The following GPR157 variants were observed in gnomAD, a reference collection of about 807,000 sequenced individuals.
GPR157 encodes the protein G protein-coupled receptor 157, also known as G-protein coupled receptor 157.
GPR157 carries 16 observed loss-of-function variants against 23.5 expected under a neutral mutation model. The ratio of observed to expected loss-of-function variants is 0.68; its 90% CI spans 0.46 to 1.04. The LOEUF (loss-of-function observed/expected upper bound fraction) is 1.04, where lower values mean the gene tolerates loss of function less well. Among genes scored for constraint, GPR157 ranks in the 50% least tolerant of loss-of-function variants. GPR157 has a pLI of 0.00. For synonymous variants in GPR157, 200 were observed against 221.5 expected, an observed-to-expected ratio of 0.90 and a Z score of 0.86; for missense variants, 440 against 460.7, an observed-to-expected ratio of 0.96 and a Z score of 0.41.
chr1:9,109,279 C>T (rs1638422901), intron 2 of GPR157, among the ~76,000 whole-genome samples: 1 of 151,434 alleles, frequency 6.6e-6, no homozygotes. Flanking sequence ...AACGGGGTTT[C>T]ACCATGTTGG....
chr1:9,123,460 T>C (rs1638874151), intron 1 of GPR157, among the ~76,000 whole-genome samples: 1 of 120,610 alleles, frequency 8.3e-6, no homozygotes, highest in African/African-American at 3.4e-5. Flanking sequence ...TTAAAATATA[T>C]ATTTAATTTA....
In GPR157 at chr1:9,125,068, G is replaced by A. The variant is rs1425906208; in HGVS notation, c.383+3577C>T. 2.0e-5 allele frequency among the ~76,000 whole-genome samples: 3 copies of A among 151,994 alleles called. No homozygotes were observed. In the East Asian group the frequency reaches 5.8e-4, roughly 29 times the overall value. On this transcript the variant is annotated intron_variant, in intron 1 of 3. Transcript: ENST00000377411. ...TGTGTCTATTATTTCTTGACCTGCC[G>A]ATCTGCCTGGGAACAAAGAGAGAGC...
intron 1 of GPR157, 47 bp from the exon 2 acceptor site, chr1:9,111,536 C>A (rs1233362212): frequency 6.6e-7 from 1 of 1,514,978 alleles, no homozygotes; most frequent in East Asian, 2.3e-5. Context: ...GCCATGGCTC[C>A]CGGCAATGTC....
At position 9,102,058 on chromosome 1, in the gene GPR157, G is replaced by A. The variant is rs1250079758; in HGVS notation, c.*2361C>T. 1 of 152,144 alleles carries A rather than the reference G, an allele frequency of 6.6e-6. No individual in the cohort carries two copies. The highest frequency in any genetic ancestry group is 1.5e-5 in the Non-Finnish European group (1 of 68,044). The allele number at this position is 152,144 out of a possible 1,614,324, so 9.4% of individuals were successfully genotyped here. A position where few individuals can be genotyped will look rare whatever the true frequency, so the allele number is the denominator to read the frequency against. The stretch of plus-strand genomic sequence containing the variant: ...CTGCCAAGTGGCTTTCCCTGGAGCA[G>A]CCCAGAGCTCTCTTTCAATCCTAAG... On this transcript the variant is annotated 3_prime_UTR_variant, in exon 4 of 4. Coordinates refer to ENST00000377411, the MANE Select transcript of GPR157 (RefSeq NM_024980.5).
intron 1 of GPR157, among the ~76,000 whole-genome samples, chr1:9,123,240 AT>A (rs1393527108): frequency 6.0e-5 from 3 of 49,802 alleles, no homozygotes; most frequent in African/African-American, 1.3e-4. Context: ...TTAAATATAT[AT>A]TAATTTAAAT....
chr1:9,114,623 C>T (rs551029187), intron 1 of GPR157, among the ~76,000 whole-genome samples: 53 of 152,134 alleles, frequency 3.5e-4, no homozygotes, highest in Admixed American at 7.2e-4. Flanking sequence ...GGGGACCACA[C>T]GGAACCGCAC....
intron 1 of GPR157, among the ~76,000 whole-genome samples, chr1:9,124,683 C>A (rs979089643): frequency 1.3e-5 from 2 of 152,186 alleles, no homozygotes; most frequent in African/African-American, 2.4e-5. Flanking sequence ...AGCTTCACCT[C>A]CCGTTGCTAT....
chr1:9,106,867 G>C (rs978852193), intron 2 of GPR157, among the ~76,000 whole-genome samples: 1 of 152,192 alleles, frequency 6.6e-6, no homozygotes, highest in Non-Finnish European at 1.5e-5. Flanking sequence ...GGGAGGCTGA[G>C]GCAGGAGAAT....
chr1:9,110,366 A>C (rs555352493), intron 2 of GPR157, among the ~76,000 whole-genome samples: 1 of 152,192 alleles, frequency 6.6e-6, no homozygotes, highest in African/African-American at 2.4e-5. Context: ...CTACTAAAAG[A>C]ACAAAAATTA....
At chr1:9,116,163 T>TATAA (rs1638631721) in intron 1 of GPR157, among the ~76,000 whole-genome samples, 1 of 44,970 alleles carries the variant, frequency 2.2e-5, no homozygotes, top group African/African-American at 9.9e-5. Context: ...TATATATATA[T>TATAA]AATATAATTA....
rs1036432338 is a variant in GPR157, at chr1:9,104,044, G to A, written c.*375C>T. The A allele has an allele frequency of 5.2e-6, 1 of 190,732 alleles. No individual in the cohort carries two copies. The highest frequency in any genetic ancestry group is 2.3e-5 in the African/African-American group (1 of 43,346). The allele number at this position is 190,732 out of a possible 1,614,324, so 11.8% of individuals were successfully genotyped here. On this transcript the variant is annotated 3_prime_UTR_variant, in exon 4 of 4. Transcript: ENST00000377411. ...CCCTGACAGCTTATTTAATCACACA[G>A]AGGATAGGTGCACAGATGTGGGTCC...
intron 2 of GPR157, among the ~76,000 whole-genome samples, chr1:9,108,609 C>G (rs973095744): frequency 6.6e-6 from 1 of 152,136 alleles, no homozygotes; most frequent in Non-Finnish European, 1.5e-5. Context: ...GGCAGGAGAC[C>G]AACTACTAAT....
Position 9,101,015 on chromosome 1 carries a change from T to A in GPR157, c.*3404A>T, listed in dbSNP as rs1330855311. ...ACAGCAAAACCCTGCCTCACAAAAATAAATAAACTAAAAAGAAGTAACAGC... is the reference window on the plus strand; with the variant it reads ...ACAGCAAAACCCTGCCTCACAAAAAAAAATAAACTAAAAAGAAGTAACAGC... On this transcript the variant is annotated 3_prime_UTR_variant, in exon 4 of 4. Coordinates refer to ENST00000377411, the MANE Select transcript of GPR157 (RefSeq NM_024980.5). 1 of 151,982 alleles carries A rather than the reference T, an allele frequency of 6.6e-6. No homozygotes were observed. Among genetic ancestry groups the A allele is most frequent in the Non-Finnish European group, 1.5e-5 (1 of 68,058 alleles). The allele number at this position is 151,982 out of a possible 1,614,324, so 9.4% of individuals were successfully genotyped here.
Position 9,105,610 on chromosome 1 carries a change from G to T in GPR157, c.668C>A (p.Ala223Glu), listed in dbSNP as rs12075362. Residue 223 changes from alanine (A) to glutamate (E), a missense_variant, in exon 3 of 4, where the codon GCG becomes GAG. Coordinates refer to ENST00000377411, the MANE Select transcript of GPR157 (RefSeq NM_024980.5). The surrounding 1 kb of genome is among the most constrained non-coding windows in gnomAD (Gnocchi z 4.8). ...EHRLLRHSSM[A>E]DKKLVLIPLI... is the part of the protein sequence containing the mutation. ...CGGGATGAGCACCAGCTTCTTGTCCGCCATGGAGGAGTGGCGCAGCAGGCG... is the reference window on the plus strand; with the variant it reads ...CGGGATGAGCACCAGCTTCTTGTCCTCCATGGAGGAGTGGCGCAGCAGGCG... 1 of 1,612,508 alleles carries T rather than the reference G, an allele frequency of 6.2e-7. No homozygotes were observed. Among genetic ancestry groups the T allele is most frequent in the South Asian group, 1.1e-5 (1 of 90,466 alleles).
Position 9,120,245 on chromosome 1 carries a change from C to T in GPR157, c.383+8400G>A, listed in dbSNP as rs767798183. On this transcript the variant is annotated intron_variant, in intron 1 of 3. Transcript: ENST00000377411. The surrounding 1 kb of genome is among the most constrained non-coding windows in gnomAD (Gnocchi z 4.1). Reference sequence around the variant, plus strand: ...CAGAGTCTGCTCAATCACCTGCCCCCACCCTGGGATTCCTGTACCTTTTCC... The same window carrying T: ...CAGAGTCTGCTCAATCACCTGCCCCTACCCTGGGATTCCTGTACCTTTTCC... Among the ~76,000 whole-genome samples, 6 of 152,274 alleles carry T rather than the reference C, an allele frequency of 3.9e-5. No individual in the cohort carries two copies. In the South Asian group the frequency reaches 6.2e-4, roughly 16 times the overall value.
intron 1 of GPR157, among the ~76,000 whole-genome samples, chr1:9,126,248 C>T (rs71641075): frequency 0.033 from 5,079 of 152,280 alleles, 128 homozygotes; most frequent in Non-Finnish European, 0.054. Flanking sequence ...CATGAGCCAC[C>T]GTGCCCAACT....
In GPR157 at chr1:9,123,175, ATATAT is replaced by A. The variant is rs1638839191; in HGVS notation, c.383+5465_383+5469del. 1.6e-4 allele frequency among the ~76,000 whole-genome samples: 14 copies of A among 87,096 alleles called. 1 individual carries two copies. In the South Asian group the frequency reaches 1.7e-3, roughly 10 times the overall value. 57.1% of individuals were successfully genotyped at this position (87,096 alleles called of 152,430 possible). A position where few individuals can be genotyped will look rare whatever the true frequency, so the allele number is the denominator to read the frequency against. ...CTGTCTTGGGTGGGAAAAAAAAAAAATATATATATATATATATAAATAAAATTTAT... is the reference window on the plus strand; with the variant it reads ...CTGTCTTGGGTGGGAAAAAAAAAAAAATATATATATATAAATAAAATTTAT... On this transcript the variant is annotated intron_variant, in intron 1 of 3. Transcript: ENST00000377411.
chr1:9,105,354 C>T lies in GPR157; in HGVS notation c.792+132G>A. On this transcript the variant is annotated intron_variant, in intron 3 of 3. Transcript: ENST00000377411. This position sits in a 1 kb window ranked among gnomAD's most constrained non-coding sequence, Gnocchi z 4.8. ...CTCAGGCAGAGAGGAAGGCACAGCA[C>T]AGTGGGGCCGAGCTCCTCCCTGCAG... 1 of 760,154 alleles carries T rather than the reference C, an allele frequency of 1.3e-6. No individual in the cohort carries two copies. Among genetic ancestry groups the T allele is most frequent in the Non-Finnish European group, 2.1e-6 (1 of 475,658 alleles). The allele number at this position is 760,154 out of a possible 1,614,324, so 47.1% of individuals were successfully genotyped here.
rs1639021645 is a variant in GPR157 at position 9,128,714 on chromosome 1, T to C, written c.314A>G (p.Tyr105Cys). The C allele has an allele frequency of 6.2e-7, 1 of 1,612,956 alleles. No homozygotes were observed. The highest frequency in any genetic ancestry group is 8.5e-7 in the Non-Finnish European group (1 of 1,179,882). ...FWTVAIALYL[Y>C]LSIVRAARGP... ...GCGCGCGGCGCGGACGATGCTGAGGTACAAGTAGAGCGCAATGGCCACGGT... is the reference window on the plus strand; with the variant it reads ...GCGCGCGGCGCGGACGATGCTGAGGCACAAGTAGAGCGCAATGGCCACGGT... Residue 105 changes from tyrosine to cysteine, a missense_variant, in exon 1 of 4, where the codon TAC (tyrosine) becomes TGC (cysteine). By Grantham distance (194) the Tyr-to-Cys change is radical. Coordinates refer to ENST00000377411, the MANE Select transcript of GPR157 (RefSeq NM_024980.5). The surrounding 1 kb of genome is among the most constrained non-coding windows in gnomAD (Gnocchi z 6.3).
Sources: gnomAD v4.1 joint callset for allele counts (sites outside exome capture counted in the v4.1 genomes callset) on GRCh38, gnomAD v4.1.1 for gene constraint, Gnocchi (gnomAD v3.1) non-coding constraint, MANE v1.5 for transcripts, NCBI Gene and HGNC (gene_info 2026-07-23, HGNC 2026-07-21) for gene names.